GSAP: variants seen among roughly 807,000 people sequenced by gnomAD.
GSAP encodes the protein gamma-secretase-activating protein.
In GSAP, 118 loss-of-function variants were observed where a neutral mutation model predicts 131.7. That is an observed-to-expected ratio of 0.90 (90% CI 0.77 to 1.04). The LOEUF (loss-of-function observed/expected upper bound fraction) is 1.04, where lower values mean the gene tolerates loss of function less well. Among genes scored for constraint, GSAP ranks in the 50% least tolerant of loss-of-function variants. The probability of loss-of-function intolerance (pLI) is 0.00; values close to 1 mark genes in which losing one functional copy is unlikely to be tolerated. For missense variants in GSAP, 1,019 were observed against 1,013.2 expected (o/e 1.01, Z -0.08); for synonymous variants, 381 against 363.4 (o/e 1.05, Z -0.55).
chr7:77,342,278 C>A (rs1242791347), intron 19 of GSAP, among the ~76,000 whole-genome samples: 1 of 152,076 alleles, frequency 6.6e-6, no homozygotes, highest in Non-Finnish European at 1.5e-5. Flanking sequence ...ACAGAGGATA[C>A]CCACTCCACA....
intron 19 of GSAP, among the ~76,000 whole-genome samples, chr7:77,335,550 A>G (rs1179801126): frequency 6.6e-6 from 1 of 152,166 alleles, no homozygotes; most frequent in African/African-American, 2.4e-5. Context: ...GCCCATCACA[A>G]CTATTCACTG....
At chr7:77,339,583 A>G (rs929705720) in intron 19 of GSAP, among the ~76,000 whole-genome samples, 5 of 152,224 alleles carry the variant, frequency 3.3e-5, no homozygotes, top group African/African-American at 1.2e-4. Flanking sequence ...ATGTGTGGAA[A>G]TGATGAATGG....
chr7:77,409,697 G>A (rs1486023504), intron 1 of GSAP, among the ~76,000 whole-genome samples: 4 of 152,188 alleles, frequency 2.6e-5, no homozygotes, highest in Non-Finnish European at 5.9e-5. Flanking sequence ...AAGATTATAA[G>A]TATGCGAGGA....
At chr7:77,328,455 C>T (rs770704531) in intron 22 of GSAP, 151 bp downstream of exon 22, 19 of 1,376,536 alleles carry the variant, frequency 1.4e-5, no homozygotes, top group Admixed American at 6.4e-5. Flanking sequence ...AAGAGCCGTG[C>T]GGCCACTCTA....
rs1440657504 is a variant in GSAP, at chr7:77,329,312, A to AT, written c.1733+20dup. On this transcript the variant is annotated intron_variant, in intron 21 of 30. Transcript: ENST00000257626. ...AAATGTCAACCATCTTACAGATATG[A>AT]TAACCTCTGCTTTCACTTACTTTAC... The AT allele has an allele frequency of 4.3e-6, 6 of 1,386,152 alleles. No homozygotes were observed. The African/African-American group carries it at 8.7e-5, about 20-fold the overall frequency. 85.9% of individuals were successfully genotyped at this position (1,386,152 alleles called of 1,614,324 possible).
chr7:77,388,354 A>T lies in GSAP; in HGVS notation c.368-906T>A, dbSNP rs1485100050. The stretch of plus-strand genomic sequence containing the variant: ...ATAAAAAGATTTCTGATACATGAAC[A>T]TGTTAAGGCTGACAGTATCTATCAT... On this transcript the variant is annotated intron_variant, in intron 5 of 30. Transcript: ENST00000257626. 2.0e-5 allele frequency among the ~76,000 whole-genome samples: 3 copies of T among 152,234 alleles called. No individual in the cohort carries two copies. The East Asian group carries it at 5.8e-4, about 29-fold the overall frequency.
intron 26 of GSAP, among the ~76,000 whole-genome samples, chr7:77,318,399 C>A (rs141372817): frequency 1.3e-5 from 2 of 152,082 alleles, no homozygotes; most frequent in African/African-American, 2.4e-5. Flanking sequence ...GTACGTGGCA[C>A]AAAATGAGTA....
intron 5 of GSAP, among the ~76,000 whole-genome samples, chr7:77,394,591 T>C (rs188938272): frequency 7.0e-4 from 106 of 152,306 alleles, no homozygotes; most frequent in African/African-American, 2.1e-3. Flanking sequence ...CTAGCCAGCA[T>C]TGGCATAAGA....
At chr7:77,314,580 AGTTC>A in intron 26 of GSAP, 91 bp from the exon 27 acceptor site, 7 of 1,426,332 alleles carry the variant, frequency 4.9e-6, no homozygotes, top group African/African-American at 1.4e-5. Flanking sequence ...TAAAGCACTT[AGTTC>A]AGTGCTTGGT....
chr7:77,387,591 T>G, intron 5 of GSAP, 143 bp from the exon 6 acceptor site: 1 of 600,902 alleles, frequency 1.7e-6, no homozygotes, highest in South Asian at 2.0e-5. Context: ...CATCCTAGAG[T>G]CCTGTGAGGA....
intron 14 of GSAP, among the ~76,000 whole-genome samples, chr7:77,357,238 A>T (rs923851495): frequency 6.6e-6 from 1 of 152,174 alleles, no homozygotes; most frequent in African/African-American, 2.4e-5. Flanking sequence ...CTCAATGAAC[A>T]GGGAATTTTT....
At chr7:77,398,705 C>G (rs994380830) in intron 3 of GSAP, among the ~76,000 whole-genome samples, 1 of 151,994 alleles carries the variant, frequency 6.6e-6, no homozygotes, top group Non-Finnish European at 1.5e-5. Flanking sequence ...GAGGTCAAGA[C>G]TGCTGTGAGC....
At chr7:77,369,396 A>C (rs932586833) in intron 12 of GSAP, among the ~76,000 whole-genome samples, 1 of 152,194 alleles carries the variant, frequency 6.6e-6, no homozygotes. Context: ...GCCCACCACC[A>C]ATCTCATGAG....
chr7:77,311,576 T>A (rs1268223779), intron 30 of GSAP, 127 bp from the exon 31 acceptor site: 5 of 606,816 alleles, frequency 8.2e-6, no homozygotes, highest in Non-Finnish European at 1.2e-5. Context: ...TTTAAGAATG[T>A]GTTCTTAAAT....
At chr7:77,312,706 GC>G (rs1794534735) in intron 28 of GSAP, among the ~76,000 whole-genome samples, 4 of 152,190 alleles carry the variant, frequency 2.6e-5, no homozygotes, top group African/African-American at 9.7e-5. Context: ...GCTTCAGTAA[GC>G]CTGTGAGTGA....
intron 6 of GSAP, among the ~76,000 whole-genome samples, chr7:77,386,530 A>G (rs1798590128): frequency 6.6e-6 from 1 of 152,128 alleles, no homozygotes; most frequent in African/African-American, 2.4e-5. Context: ...ATTTAAAGAC[A>G]CTCCTTAACC....
At chr7:77,315,813 G>GA (rs1314748197) in intron 26 of GSAP, 1 of 152,190 alleles carries the variant, frequency 6.6e-6, no homozygotes, top group African/African-American at 2.4e-5. Flanking sequence ...GGTAAGGTTG[G>GA]AAAAGCTAAT....
At chr7:77,342,375 C>T (rs1272953973) in intron 19 of GSAP, among the ~76,000 whole-genome samples, 2 of 152,174 alleles carry the variant, frequency 1.3e-5, no homozygotes, top group Non-Finnish European at 2.9e-5. Context: ...TTAAAACTCC[C>T]CCAACTCTGG....
intron 13 of GSAP, among the ~76,000 whole-genome samples, chr7:77,361,779 T>C (rs1347058896): frequency 6.6e-6 from 1 of 152,192 alleles, no homozygotes; most frequent in African/African-American, 2.4e-5. Context: ...CACACTGTGA[T>C]TGACTACAGA....
Sources: allele counts gnomAD v4.1 joint callset (sites outside exome capture counted in the v4.1 genomes callset), GRCh38; gene constraint gnomAD v4.1.1; transcripts MANE v1.5; gene names NCBI Gene and HGNC (gene_info 2026-07-23, HGNC 2026-07-21).